IGSF11: variants seen among roughly 807,000 people sequenced by gnomAD.
The protein encoded by IGSF11 is CXADR like 1.
IGSF11 carries 22 observed loss-of-function variants against 41.0 expected under a neutral mutation model. The observed-to-expected ratio is 0.54, with a 90% CI of 0.38 to 0.77. The LOEUF is 0.77. Among genes scored for constraint, IGSF11 ranks in the 30% least tolerant of loss-of-function variants. IGSF11 has a pLI of 0.00. For synonymous variants in IGSF11, 219 were observed against 201.3 expected (o/e 1.09, Z -0.74); for missense variants, 444 against 530.8 (o/e 0.84, Z 1.61).
rs1434869922 is a variant in IGSF11 at position 119,003,484 on chromosome 3, G to T, written c.52+31047C>A. On this transcript the variant is annotated intron_variant, in intron 1 of 6. Transcript: ENST00000393775. ...TTTTATTTCCTTCTCCTGCCTGATT[G>T]CCCTGGCCAGAACTTCCAACACTAT... Among the ~76,000 whole-genome samples, 19 of 150,932 alleles carry T rather than the reference G, an allele frequency of 1.3e-4. No homozygotes were observed. The East Asian group carries it at 2.9e-3, about 23-fold the overall frequency.
Position 118,902,931 on chromosome 3 carries a change from A to C in IGSF11, c.885T>G (p.Ser295=), listed in dbSNP as rs147053288. ...REDDLPPKCS[S]AKAFHTEISS... ...AAATCTCAGTGTGAAATGCTTTGGC[A>C]GAAGAACACTTGGGTGGAAGATCAT... The change falls in exon 7 of 7, where the codon TCT becomes TCG. Residue 295 remains serine, a synonymous_variant. Coordinates refer to ENST00000393775, the MANE Select transcript of IGSF11 (RefSeq NM_001015887.3). The C allele has an allele frequency of 6.2e-7, 1 of 1,613,898 alleles. No homozygotes were observed. The highest frequency in any genetic ancestry group is 8.5e-7 in the Non-Finnish European group (1 of 1,179,880).
intron 1 of IGSF11, among the ~76,000 whole-genome samples, chr3:118,952,358 T>C (rs1944637766): frequency 6.6e-6 from 1 of 152,190 alleles, no homozygotes; most frequent in African/African-American, 2.4e-5. Flanking sequence ...CAGGCAATGC[T>C]GTTTGATAGC....
At chr3:119,090,749 G>A (rs969738997) in intron 1 of IGSF11, among the ~76,000 whole-genome samples, 2 of 152,184 alleles carry the variant, frequency 1.3e-5, no homozygotes, top group Non-Finnish European at 2.9e-5. Flanking sequence ...ATGGATCAAA[G>A]ATTTAAATGT....
intron 4 of IGSF11, among the ~76,000 whole-genome samples, chr3:118,912,009 G>A (rs929388966): frequency 1.3e-5 from 2 of 151,928 alleles, no homozygotes; most frequent in African/African-American, 4.8e-5. Flanking sequence ...GAAAACAGAG[G>A]ATTTCTTACA....
intron 1 of IGSF11, among the ~76,000 whole-genome samples, chr3:119,000,644 C>A (rs1465010664): frequency 1.3e-5 from 2 of 151,924 alleles, no homozygotes; most frequent in East Asian, 1.9e-4. Flanking sequence ...CTGTGTCATA[C>A]CATCATCATT....
chr3:119,098,858 T>G (rs2076897022), intron 1 of IGSF11, among the ~76,000 whole-genome samples: 1 of 152,208 alleles, frequency 6.6e-6, no homozygotes, highest in South Asian at 2.1e-4. Flanking sequence ...TGTCCTCAAT[T>G]GGCTGGCATA....
intron 4 of IGSF11, among the ~76,000 whole-genome samples, chr3:118,923,079 C>T (rs1941982330): frequency 6.6e-6 from 1 of 152,148 alleles, no homozygotes; most frequent in African/African-American, 2.4e-5. Flanking sequence ...GTTCTCTCAG[C>T]TGACGTGCAA....
chr3:118,991,959 G>T (rs562418262), intron 1 of IGSF11, among the ~76,000 whole-genome samples: 2 of 152,338 alleles, frequency 1.3e-5, no homozygotes, highest in South Asian at 4.1e-4. Context: ...GCACCAGCAT[G>T]GAAAGTGATG....
intron 3 of IGSF11, among the ~76,000 whole-genome samples, chr3:118,926,869 G>A (rs537616864): frequency 2.0e-4 from 31 of 152,154 alleles, no homozygotes; most frequent in Admixed American, 3.9e-4. Context: ...ACTAAAGGAA[G>A]AAGGTGGTGA....
At chr3:118,988,341 G>C (rs1484894368) in intron 1 of IGSF11, among the ~76,000 whole-genome samples, 1 of 152,152 alleles carries the variant, frequency 6.6e-6, no homozygotes, top group Non-Finnish European at 1.5e-5. Flanking sequence ...AGCTACCCTA[G>C]AGATAATTCA....
intron 1 of IGSF11, among the ~76,000 whole-genome samples, chr3:118,936,488 CAA>C (rs1943291678): frequency 7.8e-6 from 1 of 128,740 alleles, no homozygotes; most frequent in Admixed American, 8.3e-5. Flanking sequence ...ACCTGGGCGA[CAA>C]AGTGAGATTT....
chr3:118,944,457 T>TACACACACACACACACACACAC (rs3079206), intron 1 of IGSF11, among the ~76,000 whole-genome samples: 5 of 125,738 alleles, frequency 4.0e-5, no homozygotes, highest in African/African-American at 1.5e-4. Flanking sequence ...TAGCTTGAAA[T>TACACACACACACACACACACAC]ACACACACAC....
At chr3:118,975,283 A>G (rs2107625327) in intron 1 of IGSF11, among the ~76,000 whole-genome samples, 1 of 152,164 alleles carries the variant, frequency 6.6e-6, no homozygotes, top group Non-Finnish European at 1.5e-5. Context: ...TCCTTCAATA[A>G]TATCTTTCCT....
At chr3:118,904,433 T>C (rs1939322413) in intron 6 of IGSF11, among the ~76,000 whole-genome samples, 1 of 152,172 alleles carries the variant, frequency 6.6e-6, no homozygotes, top group Non-Finnish European at 1.5e-5. Flanking sequence ...TCCTCCTAGT[T>C]GGGCACATGC....
intron 1 of IGSF11, among the ~76,000 whole-genome samples, chr3:119,083,238 G>A (rs2076613466): frequency 6.7e-6 from 1 of 150,018 alleles, no homozygotes; most frequent in Non-Finnish European, 1.5e-5. Flanking sequence ...GCCCACCTCA[G>A]CCTCACGAGG....
At chr3:119,080,549 AGAGAG>A (rs1337377783) in intron 1 of IGSF11, among the ~76,000 whole-genome samples, 2 of 152,216 alleles carry the variant, frequency 1.3e-5, no homozygotes, top group Admixed American at 6.5e-5. Flanking sequence ...GACAAAGCCC[AGAGAG>A]GAGGGGCAGA....
intron 1 of IGSF11, among the ~76,000 whole-genome samples, chr3:119,080,174 C>G (rs566412078): frequency 2.6e-5 from 4 of 152,312 alleles, no homozygotes; most frequent in Admixed American, 2.6e-4. Flanking sequence ...ACATATGACT[C>G]TCTAAACTGC....
chr3:119,088,851 G>A (rs536429237), intron 1 of IGSF11, among the ~76,000 whole-genome samples: 1 of 152,232 alleles, frequency 6.6e-6, no homozygotes, highest in South Asian at 2.1e-4. Flanking sequence ...TAGAGGAAAT[G>A]GATAAATTCC....
chr3:119,109,690 A>T (rs144542567), upstream of IGSF11, among the ~76,000 whole-genome samples: 7,361 of 151,862 alleles, frequency 0.048, 224 homozygotes, highest in South Asian at 0.095. Flanking sequence ...TTAGGGTGTC[A>T]ATTTTGGATC....
Sources: allele counts gnomAD v4.1 joint callset (sites outside exome capture counted in the v4.1 genomes callset), GRCh38; gene constraint gnomAD v4.1.1; transcripts MANE v1.5; gene names NCBI Gene and HGNC (gene_info 2026-07-23, HGNC 2026-07-21).